SLC35D4: variants seen among roughly 807,000 people sequenced by gnomAD.
SLC35D4 encodes the protein UDP-N-acetylglucosamine transporter SLC35D4.
At chr18:23,306,610 T>C in the SLC35D4 span, among the ~76,000 whole-genome samples, 1 of 152,210 alleles carries the variant, frequency 6.6e-6, no homozygotes, top group Non-Finnish European at 1.5e-5. Flanking sequence ...CCAGCTAAAA[T>C]ACTTATTTTC....
At chr18:23,430,483 C>T in the SLC35D4 span, 5 of 590,306 alleles carry the variant, frequency 8.5e-6, no homozygotes, top group Non-Finnish European at 1.4e-5. Context: ...CAAAATAGAA[C>T]ATAAATGTCT....
At chr18:23,355,940 T>C in the SLC35D4 span, among the ~76,000 whole-genome samples, 2 of 152,262 alleles carry the variant, frequency 1.3e-5, no homozygotes, top group Admixed American at 1.3e-4. Flanking sequence ...ACATAAGTCT[T>C]TCCACTTCTT....
chr18:23,390,184 G>C, the SLC35D4 span, among the ~76,000 whole-genome samples: 2 of 152,088 alleles, frequency 1.3e-5, no homozygotes, highest in African/African-American at 2.4e-5. Context: ...AATATGTTCT[G>C]GTTCTCTTTT....
the SLC35D4 span, among the ~76,000 whole-genome samples, chr18:23,397,595 C>T: frequency 1.3e-5 from 2 of 152,240 alleles, no homozygotes; most frequent in South Asian, 4.1e-4. Context: ...GTTATATGAA[C>T]TGGTAAATCT....
the SLC35D4 span, among the ~76,000 whole-genome samples, chr18:23,379,081 C>T: frequency 1.3e-5 from 2 of 151,974 alleles, no homozygotes; most frequent in East Asian, 1.9e-4. Context: ...TGGCTCACAC[C>T]TGCGTAACTG....
the SLC35D4 span, among the ~76,000 whole-genome samples, chr18:23,294,936 C>A: frequency 6.6e-6 from 1 of 152,184 alleles, no homozygotes; most frequent in Admixed American, 6.6e-5. Flanking sequence ...TGGGTTTAAA[C>A]TGCATGGCTC....
chr18:23,300,572 A>C, the SLC35D4 span, among the ~76,000 whole-genome samples: 221 of 152,364 alleles, frequency 1.5e-3, 1 homozygote, highest in African/African-American at 5.0e-3. Context: ...CTTAGTAAAT[A>C]CTAAAAATGA....
At chr18:23,365,797 C>A in the SLC35D4 span, 1 of 966,978 alleles carries the variant, frequency 1.0e-6, no homozygotes, top group Non-Finnish European at 1.5e-6. Flanking sequence ...CTCACTCTGC[C>A]TAAATCCAGC....
the SLC35D4 span, chr18:23,356,767 G>T: frequency 5.3e-6 from 5 of 948,916 alleles, no homozygotes; most frequent in Admixed American, 2.1e-5. This position sits in a 1 kb window ranked among gnomAD's most constrained non-coding sequence, Gnocchi z 4.1. Context: ...GCAGTCCTGT[G>T]CTTTCAGTCC....
chr18:23,248,510 G>GTTTTTTT, the SLC35D4 span, among the ~76,000 whole-genome samples: 1 of 92,358 alleles, frequency 1.1e-5, no homozygotes, highest in African/African-American at 4.9e-5. Context: ...AAGACCCTAT[G>GTTTTTTT]TCTTTTTTTT....
At chr18:23,340,064 A>G in the SLC35D4 span, among the ~76,000 whole-genome samples, 1 of 152,170 alleles carries the variant, frequency 6.6e-6, no homozygotes, top group Non-Finnish European at 1.5e-5. Flanking sequence ...CTCATGGAAA[A>G]GACTAGAGCC....
At chr18:23,330,961 C>G in the SLC35D4 span, 1 of 152,204 alleles carries the variant, frequency 6.6e-6, no homozygotes, top group Non-Finnish European at 1.5e-5. Flanking sequence ...CCACGGGCAG[C>G]CTGGGCAACT....
the SLC35D4 span, chr18:23,352,318 T>C: frequency 1.9e-6 from 3 of 1,585,884 alleles, no homozygotes; most frequent in Middle Eastern, 1.7e-4. Flanking sequence ...CTCTTGTTAG[T>C]GAGGCTTGTC....
At chr18:23,342,446 A>G in the SLC35D4 span, among the ~76,000 whole-genome samples, 1 of 152,094 alleles carries the variant, frequency 6.6e-6, no homozygotes, top group African/African-American at 2.4e-5. Flanking sequence ...GTATATATAT[A>G]TACTATATCT....
chr18:23,256,716 C>T, the SLC35D4 span, among the ~76,000 whole-genome samples: 1 of 152,132 alleles, frequency 6.6e-6, no homozygotes. Context: ...AACTCCCGAC[C>T]TCAAGTGATC....
At chr18:23,357,700 C>T in the SLC35D4 span, among the ~76,000 whole-genome samples, 2 of 152,186 alleles carry the variant, frequency 1.3e-5, no homozygotes, top group Admixed American at 1.3e-4. Context: ...ATGATGGGCT[C>T]CTATGCTTTC....
the SLC35D4 span, among the ~76,000 whole-genome samples, chr18:23,279,902 T>C: frequency 1.3e-5 from 2 of 152,198 alleles, no homozygotes; most frequent in Non-Finnish European, 2.9e-5. Flanking sequence ...GATCTTACTA[T>C]GTCTGTTGCC....
At chr18:23,431,810 A>AT in the SLC35D4 span, among the ~76,000 whole-genome samples, 16 of 152,026 alleles carry the variant, frequency 1.1e-4, no homozygotes, top group Admixed American at 3.3e-4. Flanking sequence ...TATCTTTTCC[A>AT]TTTTTTTCCT....
the SLC35D4 span, among the ~76,000 whole-genome samples, chr18:23,306,693 A>C: frequency 1.3e-5 from 2 of 152,376 alleles, no homozygotes; most frequent in Non-Finnish European, 2.9e-5. Context: ...TGGTAAAGAA[A>C]TGTAAAAACC....
Sources: gnomAD v4.1 joint callset for allele counts (sites outside exome capture counted in the v4.1 genomes callset) on GRCh38, gnomAD v4.1.1 for gene constraint, Gnocchi (gnomAD v3.1) non-coding constraint, MANE v1.5 for transcripts, NCBI Gene and HGNC (gene_info 2026-07-23, HGNC 2026-07-21) for gene names.